The following ACAP3 variants were observed in gnomAD, a reference collection of about 807,000 sequenced individuals.
ACAP3 encodes the protein ArfGAP with coiled-coil, ankyrin repeat and PH domains 3, also known as arf-GAP with coiled-coil, ANK repeat and PH domain-containing protein 3.
In ACAP3, 56 loss-of-function variants were observed where a neutral mutation model predicts 104.1. The ratio of observed to expected loss-of-function variants is 0.54; its 90% CI spans 0.43 to 0.67. The LOEUF (loss-of-function observed/expected upper bound fraction) is 0.67, where lower values mean the gene tolerates loss of function less well. Among genes scored for constraint, ACAP3 ranks in the 30% least tolerant of loss-of-function variants. ACAP3 has a pLI of 0.00. For missense variants in ACAP3, 1,208 were observed against 1,174.9 expected (o/e 1.03, Z -0.41); for synonymous variants, 628 against 496.2 (o/e 1.27, Z -3.53).
At chr1:1,294,973 G>A (rs1266541945) in intron 19 of ACAP3, 157 bp from the exon 20 acceptor site, 2 of 666,918 alleles carry the variant, frequency 3.0e-6, no homozygotes, top group Non-Finnish European at 5.1e-6. Flanking sequence ...TGCAGGCTAG[G>A]AGCAAAGGAG....
chr1:1,299,778 C>CGCAGG, intron 9 of ACAP3, 53 bp downstream of exon 9: 2 of 1,510,282 alleles, frequency 1.3e-6, no homozygotes, highest in Non-Finnish European at 1.8e-6. Flanking sequence ...GGGGTGAGGA[C>CGCAGG]GCAGGGGCCT....
At chr1:1,301,852 C>T in intron 5 of ACAP3, 136 bp downstream of exon 5, 2 of 778,050 alleles carry the variant, frequency 2.6e-6, no homozygotes, top group East Asian at 6.1e-5. Flanking sequence ...TGCCTCTGAG[C>T]CTTCTGCCTT....
chr1:1,297,899 G>A lies in ACAP3; in HGVS notation c.1051C>T (p.Arg351Trp), dbSNP rs1174245711. The change falls in exon 14 of 24, where the codon CGG becomes TGG. Residue 351 changes from arginine (R) to tryptophan (W), a missense_variant. Coordinates refer to ENST00000354700, the MANE Select transcript of ACAP3 (RefSeq NM_030649.3). ...TGCACAGCCTGGACCCAGGCTTGCCGCAGCTTCTCGGAGTCAGCCTGCAGC... is the reference window on the plus strand; with the variant it reads ...TGCACAGCCTGGACCCAGGCTTGCCACAGCTTCTCGGAGTCAGCCTGCAGC... ...CMLQADSEKL[R>W]QAWVQAVQAS... 5.0e-6 allele frequency: 8 copies of A among 1,612,022 alleles called. No individual in the cohort carries two copies. The highest frequency in any genetic ancestry group is 2.2e-5 in the East Asian group (1 of 44,870).
chr1:1,302,535 T>C (rs1641488703), intron 4 of ACAP3, among the ~76,000 whole-genome samples: 1 of 152,132 alleles, frequency 6.6e-6, no homozygotes, highest in Admixed American at 6.5e-5. Context: ...CTCTGTTCAG[T>C]CTGCGGCTCA....
At chr1:1,297,782 T>C in intron 14 of ACAP3, 40 bp downstream of exon 14, 1 of 1,584,414 alleles carries the variant, frequency 6.3e-7, no homozygotes, top group South Asian at 1.1e-5. Context: ...GTGGCACGTG[T>C]GTGTGCACGG....
At position 1,294,183 on chromosome 1, in the gene ACAP3, C is replaced by G; in HGVS notation, c.2156G>C (p.Cys719Ser). The G allele has an allele frequency of 6.3e-7, 1 of 1,592,592 alleles. No individual in the cohort carries two copies. The highest frequency in any genetic ancestry group is 8.5e-7 in the Non-Finnish European group (1 of 1,169,868). ...CGCTCCGTTTTGCAGCAGGAACTCACAGACGATCAAGGAGCCCTGGGGAGC... is the reference window on the plus strand; with the variant it reads ...CGCTCCGTTTTGCAGCAGGAACTCAGAGACGATCAAGGAGCCCTGGGGAGC... ...QAVLGGSLIV[C>S]EFLLQNGADV... Residue 719 changes from cysteine (C) to serine (S), a missense_variant, in exon 22 of 24, where the codon TGT becomes TCT. Transcript: ENST00000354700.
intron 1 of ACAP3, chr1:1,307,220 G>C (rs536781899): frequency 7.8e-7 from 1 of 1,287,042 alleles, no homozygotes; most frequent in Admixed American, 2.3e-5. Context: ...AAAACATGCA[G>C]ACTCGGTGTG....
Position 1,303,877 on chromosome 1 carries a change from G to T in ACAP3, c.105+209C>A. 1.5e-6 allele frequency: 1 copy of T among 650,664 alleles called. No homozygotes were observed. The highest frequency in any genetic ancestry group is 2.6e-6 in the Non-Finnish European group (1 of 378,916). The allele number at this position is 650,664 out of a possible 1,614,324, so 40.3% of individuals were successfully genotyped here. A position where few individuals can be genotyped will look rare whatever the true frequency, so the allele number is the denominator to read the frequency against. On this transcript the variant is annotated intron_variant, in intron 2 of 23. Transcript: ENST00000354700. The surrounding 1 kb of genome is among the most constrained non-coding windows in gnomAD (Gnocchi z 4.0). ...CCACAGCCCAGCCCCTCCCAGATGG[G>T]ACGAGACTCAGGGCCAGCCACATGT...
rs559436009 is a variant in ACAP3 at position 1,300,794 on chromosome 1, G to A, written c.339-102C>T. 5.2e-4 allele frequency: 664 copies of A among 1,276,720 alleles called. 2 individuals carry two copies. The highest frequency in any genetic ancestry group is 1.4e-3 in the South Asian group (101 of 73,742). 79.1% of individuals were successfully genotyped at this position (1,276,720 alleles called of 1,614,324 possible). On this transcript the variant is annotated intron_variant, in intron 5 of 23. Coordinates refer to ENST00000354700, the MANE Select transcript of ACAP3 (RefSeq NM_030649.3). Reference sequence around the variant, plus strand: ...TTGTGTGTTTTTTGTTTTTTGAGACGGAGTTTCGCTCTTGTCACCCAGGCT... The same window carrying A: ...TTGTGTGTTTTTTGTTTTTTGAGACAGAGTTTCGCTCTTGTCACCCAGGCT...
chr1:1,303,121 CCCA>C lies in ACAP3; in HGVS notation c.225+38_225+40del. 6.4e-7 allele frequency: 1 copy of C among 1,569,478 alleles called. No individual in the cohort carries two copies. Among genetic ancestry groups the C allele is most frequent in the Non-Finnish European group, 8.6e-7 (1 of 1,157,680 alleles). On this transcript the variant is annotated intron_variant, in intron 3 of 23. Coordinates refer to ENST00000354700, the MANE Select transcript of ACAP3 (RefSeq NM_030649.3). This position sits in a 1 kb window ranked among gnomAD's most constrained non-coding sequence, Gnocchi z 4.0. ...AGGGGCTGCCTCCCTCGGCCTCTCC[CCCA>C]ACCCCACCTTGAGGTCAGAGGTCAG...
Position 1,293,007 on chromosome 1 carries a change from C to T in ACAP3, c.*557G>A, listed in dbSNP as rs933175041. On this transcript the variant is annotated 3_prime_UTR_variant, in exon 24 of 24. Coordinates refer to ENST00000354700, the MANE Select transcript of ACAP3 (RefSeq NM_030649.3). ...GCCAGCCACGTGGCCTTGGGACGCC[C>T]GCGTCCAGCCAGGGCTGAGGACCCA... 2.6e-5 allele frequency: 4 copies of T among 152,348 alleles called. No homozygotes were observed. The East Asian group carries it at 7.7e-4, about 29-fold the overall frequency. 9.4% of individuals were successfully genotyped at this position (152,348 alleles called of 1,614,324 possible).
Position 1,307,184 on chromosome 1 carries a change from ACACGCCTG to A in ACAP3, c.47+577_47+584del, listed in dbSNP as rs1641762518. 1.4e-5 allele frequency: 18 copies of A among 1,283,258 alleles called. No homozygotes were observed. In the Middle Eastern group the frequency reaches 6.4e-4, roughly 46 times the overall value. 79.5% of individuals were successfully genotyped at this position (1,283,258 alleles called of 1,614,324 possible). ...GTGAACATGTAGTTCACGCAGGTGT[ACACGCCTG>A]CACGCCACGAATGATGGAAAACATG... is the stretch of plus-strand genomic sequence containing the variant. On this transcript the variant is annotated intron_variant, in intron 1 of 23. Transcript: ENST00000354700.
chr1:1,295,699 A>C, intron 18 of ACAP3, 37 bp downstream of exon 18: 1 of 1,575,926 alleles, frequency 6.3e-7, no homozygotes, highest in Non-Finnish European at 8.6e-7. Context: ...CGACCAAGGC[A>C]AGCCCCTCCC....
Position 1,295,811 on chromosome 1 carries a change from A to C in ACAP3, c.1630T>G (p.Ser544Ala). The change falls in exon 18 of 24, where the codon TCT becomes GCT. Residue 544 changes from serine to alanine, a missense_variant. Coordinates refer to ENST00000354700, the MANE Select transcript of ACAP3 (RefSeq NM_030649.3). ...RVQKCLRPHS[S>A]PRAPTARRKV... ...CGGCGGGCAGTGGGAGCGCGGGGAG[A>C]GCTGTGGGGCCGCAGGCACTTCTGC... 1 of 1,610,234 alleles carries C rather than the reference A, an allele frequency of 6.2e-7. No homozygotes were observed. Among genetic ancestry groups the C allele is most frequent in the Non-Finnish European group, 8.5e-7 (1 of 1,179,854 alleles).
At chr1:1,297,733 G>T in intron 14 of ACAP3, 89 bp downstream of exon 14, 1 of 1,040,334 alleles carries the variant, frequency 9.6e-7, no homozygotes, top group Non-Finnish European at 1.3e-6. Flanking sequence ...CCGGTGGCAC[G>T]TGTGTGTGTG....
intron 16 of ACAP3, 28 bp downstream of exon 16, chr1:1,296,183 C>G: frequency 6.3e-7 from 1 of 1,595,314 alleles, no homozygotes; most frequent in Non-Finnish European, 8.5e-7. Context: ...AAACGGGGTC[C>G]CGTGGCCTCC....
chr1:1,299,754 G>A (rs1228925572), intron 9 of ACAP3, 77 bp downstream of exon 9: 2 of 1,438,266 alleles, frequency 1.4e-6, no homozygotes, highest in Non-Finnish European at 1.9e-6. Context: ...GGGCGGGGAG[G>A]GTGTGCCGGG....
rs1279850889 is a variant in ACAP3, at chr1:1,298,430, G to A, written c.864-9C>T. 1 of 1,597,534 alleles carries A rather than the reference G, an allele frequency of 6.3e-7. No individual in the cohort carries two copies. Among genetic ancestry groups the A allele is most frequent in the Non-Finnish European group, 8.5e-7 (1 of 1,171,744 alleles). ...GAATGGAGAACCAGCGCCTAGGTGG[G>A]TGGGGGGATGTGGGGAGTCAGGCGG... On this transcript the variant is annotated splice_polypyrimidine_tract_variant and intron_variant, in intron 11 of 23. Coordinates refer to ENST00000354700, the MANE Select transcript of ACAP3 (RefSeq NM_030649.3).
chr1:1,302,997 C>A, intron 3 of ACAP3, 22 bp from the exon 4 acceptor site: 5 of 1,603,538 alleles, frequency 3.1e-6, no homozygotes, highest in Non-Finnish European at 3.4e-6. Context: ...GATGGGAACC[C>A]GTGCTGAGAT....
Sources: gnomAD v4.1 joint callset for allele counts (sites outside exome capture counted in the v4.1 genomes callset) on GRCh38, gnomAD v4.1.1 for gene constraint, Gnocchi (gnomAD v3.1) non-coding constraint, MANE v1.5 for transcripts, NCBI Gene and HGNC (gene_info 2026-07-23, HGNC 2026-07-21) for gene names.